Variants in GCN1 observed in about 807,000 individuals in gnomAD.
The protein encoded by GCN1 is GCN1 activator of EIF2AK4.
Under a neutral mutation model 288.4 loss-of-function variants are expected in GCN1, and 90 were observed. The ratio of observed to expected loss-of-function variants is 0.31; its 90% CI spans 0.26 to 0.37. The LOEUF (loss-of-function observed/expected upper bound fraction) is 0.37, where lower values mean the gene tolerates loss of function less well. GCN1 is among the 10% of genes least tolerant of loss of function. The pLI is 1.00. For missense variants in GCN1, 2,586 were observed against 3,419.9 expected (o/e 0.76, Z 6.08); for synonymous variants, 1,386 against 1,420.2 (o/e 0.98, Z 0.54).
Position 120,152,389 on chromosome 12 carries a change from GCACACACACACACA to G in GCN1, c.4062+810_4062+823del, listed in dbSNP as rs59756164. Among the ~76,000 whole-genome samples, 18 of 116,576 alleles carry G rather than the reference GCACACACACACACA, an allele frequency of 1.5e-4. No homozygotes were observed. The Admixed American group carries it at 1.6e-3, about 11-fold the overall frequency. The allele number at this position is 116,576 out of a possible 152,430, so 76.5% of individuals were successfully genotyped here. A position where few individuals can be genotyped will look rare whatever the true frequency, so the allele number is the denominator to read the frequency against. ...CAAAATGCAAACCACACACACACGC[GCACACACACACACA>G]CACACACAAAATATATATATATAAA... On this transcript the variant is annotated intron_variant, in intron 33 of 57. Coordinates refer to ENST00000300648, the MANE Select transcript of GCN1 (RefSeq NM_006836.2).
intron 57 of GCN1, among the ~76,000 whole-genome samples, chr12:120,128,281 C>T (rs1213113664): frequency 6.6e-6 from 1 of 151,774 alleles, no homozygotes; most frequent in Non-Finnish European, 1.5e-5. Flanking sequence ...TGAGCCATCG[C>T]ACCTGGCCCC....
chr12:120,183,578 C>A lies in GCN1; in HGVS notation c.417G>T (p.Trp139Cys). 6.2e-7 allele frequency: 1 copy of A among 1,601,112 alleles called. No individual in the cohort carries two copies. The highest frequency in any genetic ancestry group is 8.6e-7 in the Non-Finnish European group (1 of 1,168,152). The stretch of plus-strand genomic sequence containing the variant: ...GACACAGGGAACCTACCAGTTTGTT[C>A]CAGATGTCTCCTTGTCGCTTGGCTC... ...PSRAKRQGDI[W>C]NKLVEVQCLL... Residue 139 changes from tryptophan to cysteine, a missense_variant, in exon 5 of 58, where the codon TGG becomes TGT. Trp to Cys is a radical substitution (Grantham distance 215). Transcript: ENST00000300648.
chr12:120,136,839 G>T, intron 50 of GCN1, 107 bp from the exon 51 acceptor site: 1 of 748,888 alleles, frequency 1.3e-6, no homozygotes, highest in Non-Finnish European at 2.3e-6. Flanking sequence ...CAACTCCATG[G>T]GAGATATTGA....
chr12:120,153,648 C>A lies in GCN1; in HGVS notation c.3867+96G>T. ...GACTCTTGGCACTCAGCATTTCTGG[C>A]CCCTGCTCAGCCCTAGCGCCTGCCT... is the stretch of plus-strand genomic sequence containing the variant. On this transcript the variant is annotated intron_variant, in intron 32 of 57. Transcript: ENST00000300648. This position sits in a 1 kb window ranked among gnomAD's most constrained non-coding sequence, Gnocchi z 4.4. The A allele has an allele frequency of 8.3e-7, 1 of 1,207,994 alleles. No individual in the cohort carries two copies. Among genetic ancestry groups the A allele is most frequent in the Non-Finnish European group, 1.2e-6 (1 of 839,900 alleles). The allele number at this position is 1,207,994 out of a possible 1,614,324, so 74.8% of individuals were successfully genotyped here. A position where few individuals can be genotyped will look rare whatever the true frequency, so the allele number is the denominator to read the frequency against.
chr12:120,145,989 G>A (rs971563461), intron 38 of GCN1, among the ~76,000 whole-genome samples: 6 of 151,990 alleles, frequency 3.9e-5, no homozygotes, highest in Non-Finnish European at 5.9e-5. Flanking sequence ...GTAATTGGCC[G>A]GGCACGGTGG....
chr12:120,167,129 C>T (rs1410740335), intron 16 of GCN1, among the ~76,000 whole-genome samples: 1 of 151,554 alleles, frequency 6.6e-6, no homozygotes, highest in Non-Finnish European at 1.5e-5. Context: ...CACCTGAGGT[C>T]GGGAGTTCGA....
At chr12:120,146,050 TGA>T (rs1430488435) in intron 38 of GCN1, among the ~76,000 whole-genome samples, 1 of 152,114 alleles carries the variant, frequency 6.6e-6, no homozygotes, top group African/African-American at 2.4e-5. Flanking sequence ...GTGGATCACC[TGA>T]GGTCAGGAGT....
Position 120,163,184 on chromosome 12 carries a change from C to G in GCN1, c.1924G>C (p.Val642Leu). The part of the protein sequence containing the change: ...EAGKAYVPPR[V>L]LQEALCVISG... ...ATGACACACAGAGCCTCCTGCAGGA[C>G]CCGTGGAGGCACGTAGGCCTTGCCT... Residue 642 changes from valine to leucine, a missense_variant, in exon 19 of 58, where the codon GTC (valine) becomes CTC (leucine). Around this residue, in one of 8 missense-constraint regions of GCN1, gnomAD observed 913 missense variants for 1,107.0 expected, o/e 0.82. Transcript: ENST00000300648. The G allele has an allele frequency of 1.2e-6, 2 of 1,614,122 alleles. No individual in the cohort carries two copies. Among genetic ancestry groups the G allele is most frequent in the Non-Finnish European group, 1.7e-6 (2 of 1,179,954 alleles).
In GCN1 at chr12:120,134,659, G is replaced by A. The variant is rs1415092298; in HGVS notation, c.7076C>T (p.Ser2359Phe). ...GGCCTTCAGGCGCACCCCCCGGTTG[G>A]AGTCCTGCAGGGCTTTGGTGAAAGT... ...QTTFTKALQD[S>F]NRGVRLKAAD... Residue 2359 changes from serine (S) to phenylalanine (F), a missense_variant, in exon 52 of 58, where the codon TCC (serine) becomes TTC (phenylalanine). By Grantham distance (155) the Ser-to-Phe change is radical. Coordinates refer to ENST00000300648, the MANE Select transcript of GCN1 (RefSeq NM_006836.2). The surrounding 1 kb of genome is among the most constrained non-coding windows in gnomAD (Gnocchi z 5.0). The A allele has an allele frequency of 1.9e-6, 3 of 1,613,758 alleles. No homozygotes were observed. The highest frequency in any genetic ancestry group is 2.5e-6 in the Non-Finnish European group (3 of 1,180,026).
Position 120,137,888 on chromosome 12 carries a change from G to A in GCN1, c.6393+13C>T, listed in dbSNP as rs1391602282. The A allele has an allele frequency of 6.2e-7, 1 of 1,613,992 alleles. No homozygotes were observed. The highest frequency in any genetic ancestry group is 1.1e-5 in the South Asian group (1 of 91,068). On this transcript the variant is annotated intron_variant, in intron 48 of 57. Transcript: ENST00000300648. The surrounding 1 kb of genome is among the most constrained non-coding windows in gnomAD (Gnocchi z 5.2). ...ACGGGACATGAGAAAGCAGGAGCAGGCTCGCCCCTTACCAGCTGCTCATCT... is the reference window on the plus strand; with the variant it reads ...ACGGGACATGAGAAAGCAGGAGCAGACTCGCCCCTTACCAGCTGCTCATCT...
rs1294868649 is a variant in GCN1 at position 120,141,036 on chromosome 12, A to C, written c.5830-13T>G. The C allele has an allele frequency of 1.2e-6, 2 of 1,606,754 alleles. No individual in the cohort carries two copies. Among genetic ancestry groups the C allele is most frequent in the East Asian group, 4.5e-5 (2 of 44,826 alleles). On this transcript the variant is annotated splice_polypyrimidine_tract_variant and intron_variant, in intron 44 of 57. Coordinates refer to ENST00000300648, the MANE Select transcript of GCN1 (RefSeq NM_006836.2). Reference sequence around the variant, plus strand: ...TTCTCGCTGCAATCTGTCAACAGAGACCAATCCAGGAAGTAAAGTCCCTGC... The same window carrying C: ...TTCTCGCTGCAATCTGTCAACAGAGCCCAATCCAGGAAGTAAAGTCCCTGC...
At chr12:120,186,468 T>C (rs1878823827) in intron 2 of GCN1, among the ~76,000 whole-genome samples, 1 of 151,994 alleles carries the variant, frequency 6.6e-6, no homozygotes. Context: ...AGGGAGGAGC[T>C]TCTGAGGAGG....
chr12:120,169,244 T>C (rs1371742155), intron 15 of GCN1, among the ~76,000 whole-genome samples: 1 of 121,664 alleles, frequency 8.2e-6, no homozygotes, highest in African/African-American at 3.0e-5. Context: ...GCCACTGCAC[T>C]CCAGCCTGGG....
intron 33 of GCN1, among the ~76,000 whole-genome samples, chr12:120,151,868 C>G (rs774812009): frequency 2.6e-4 from 39 of 152,308 alleles, no homozygotes; most frequent in Admixed American, 7.8e-4. Flanking sequence ...GCCTCCCAGC[C>G]GCAGCTCACT....
At position 120,175,845 on chromosome 12, in the gene GCN1, T is replaced by A; in HGVS notation, c.943A>T (p.Met315Leu). 2 of 1,613,108 alleles carry A rather than the reference T, an allele frequency of 1.2e-6. No homozygotes were observed. Among genetic ancestry groups the A allele is most frequent in the Non-Finnish European group, 1.7e-6 (2 of 1,179,660 alleles). ...GHLKSNSPRL[M>L]DEAVLALRNL... is the part of the protein sequence containing the mutation. ...CGCAGTGCCAGCACAGCTTCATCCA[T>A]CAGGCGGGGACTGTTGGATTTCAGG... The change falls in exon 11 of 58, where the codon ATG (methionine) becomes TTG (leucine). Residue 315 changes from methionine (M) to leucine (L), a missense_variant. Around this residue, in one of 8 missense-constraint regions of GCN1, gnomAD observed 913 missense variants for 1,107.0 expected, o/e 0.82. Transcript: ENST00000300648.
At chr12:120,157,824 A>T in intron 26 of GCN1, 25 bp downstream of exon 26, 2 of 1,599,214 alleles carry the variant, frequency 1.3e-6, no homozygotes, top group South Asian at 2.2e-5. Flanking sequence ...TTAAACCAAG[A>T]GGAGAGCAGA....
chr12:120,139,631 A>C (rs963015978), intron 45 of GCN1, among the ~76,000 whole-genome samples: 1 of 140,602 alleles, frequency 7.1e-6, no homozygotes, highest in Non-Finnish European at 1.5e-5. Context: ...CCGTCTCAAT[A>C]AAAAAAAAAA....
At chr12:120,185,148 G>T (rs1878781523) in intron 2 of GCN1, among the ~76,000 whole-genome samples, 1 of 152,232 alleles carries the variant, frequency 6.6e-6, no homozygotes, top group Non-Finnish European at 1.5e-5. Context: ...CCATCAAGAG[G>T]AGGTTCAGGA....
chr12:120,179,955 C>G (rs1306461746), intron 5 of GCN1, among the ~76,000 whole-genome samples: 6 of 152,168 alleles, frequency 3.9e-5, no homozygotes, highest in African/African-American at 9.7e-5. Context: ...ATTCGAACTG[C>G]ATGGAGCTCA....
Sources: gnomAD v4.1 joint callset for allele counts (sites outside exome capture counted in the v4.1 genomes callset) on GRCh38, gnomAD v4.1.1 for gene constraint, gnomAD v4.1.1 regional missense constraint, Gnocchi (gnomAD v3.1) non-coding constraint, MANE v1.5 for transcripts, NCBI Gene and HGNC (gene_info 2026-07-23, HGNC 2026-07-21) for gene names.